PLCXD3: variants seen among roughly 807,000 people sequenced by gnomAD.
PLCXD3 encodes phosphatidylinositol specific phospholipase C X domain containing 3.
A neutral mutation model predicts 25.5 loss-of-function variants in PLCXD3; 19 were observed. The observed-to-expected ratio is 0.75, with a 90% confidence interval of 0.52 to 1.09. The LOEUF (loss-of-function observed/expected upper bound fraction) is 1.09, where lower values mean the gene tolerates loss of function less well. PLCXD3 is among the 50% of genes least tolerant of loss of function. The pLI, the probability that PLCXD3 is intolerant of heterozygous loss-of-function variation, is 0.00. For synonymous variants in PLCXD3, 174 were observed against 137.6 expected (o/e 1.26, Z -1.85); for missense variants, 411 against 388.1 (o/e 1.06, Z -0.50).
At chr5:41,356,685 T>C (rs1371572877) in intron 2 of PLCXD3, among the ~76,000 whole-genome samples, 1 of 152,196 alleles carries the variant, frequency 6.6e-6, no homozygotes, top group Non-Finnish European at 1.5e-5. Context: ...CAAACCTTTT[T>C]GCCATTAATA....
intron 1 of PLCXD3, among the ~76,000 whole-genome samples, chr5:41,438,508 A>G (rs973607375): frequency 3.3e-5 from 5 of 152,172 alleles, no homozygotes; most frequent in Non-Finnish European, 5.9e-5. Context: ...AGAGAGGAGA[A>G]GCCTGGCTTC....
chr5:41,493,059 G>C (rs1190602535), intron 1 of PLCXD3, among the ~76,000 whole-genome samples: 1 of 152,130 alleles, frequency 6.6e-6, no homozygotes, highest in Non-Finnish European at 1.5e-5. Context: ...CATCTTTGTG[G>C]TTTTATCTAC....
rs566228628 is a variant in PLCXD3 at position 41,398,498 on chromosome 5, T to A, written c.104-15964A>T. On this transcript the variant is annotated intron_variant, in intron 1 of 2. Transcript: ENST00000377801. ...TATAAGTTACCCAGTCTCAAGTAGT[T>A]CTCTATAGCAATGTGAGAAAAGACT... 5.9e-5 allele frequency among the ~76,000 whole-genome samples: 9 copies of A among 152,246 alleles called. No individual in the cohort carries two copies. In the South Asian group the frequency reaches 1.9e-3, roughly 32 times the overall value.
At chr5:41,501,712 T>TA (rs58480603) in intron 1 of PLCXD3, among the ~76,000 whole-genome samples, 1 of 151,704 alleles carries the variant, frequency 6.6e-6, no homozygotes, top group Non-Finnish European at 1.5e-5. Context: ...TTTACCACAA[T>TA]AAAAAAAATA....
chr5:41,343,039 A>G (rs1160137608), intron 2 of PLCXD3, among the ~76,000 whole-genome samples: 1 of 152,130 alleles, frequency 6.6e-6, no homozygotes, highest in Non-Finnish European at 1.5e-5. Flanking sequence ...TTTTCTTTTC[A>G]TTAGAAAAAT....
At chr5:41,390,055 C>CT (rs1454258061) in intron 1 of PLCXD3, among the ~76,000 whole-genome samples, 3 of 152,092 alleles carry the variant, frequency 2.0e-5, no homozygotes, top group African/African-American at 7.2e-5. Flanking sequence ...ATATATCACT[C>CT]TAAGTTAGTT....
chr5:41,323,434 T>C (rs762399693), intron 2 of PLCXD3, among the ~76,000 whole-genome samples: 8 of 152,228 alleles, frequency 5.3e-5, no homozygotes, highest in Non-Finnish European at 8.8e-5. Context: ...CACAGTAAGC[T>C]TATTTCACAT....
At chr5:41,334,465 C>T (rs1002784348) in intron 2 of PLCXD3, among the ~76,000 whole-genome samples, 1 of 152,126 alleles carries the variant, frequency 6.6e-6, no homozygotes, top group African/African-American at 2.4e-5. Context: ...GGCACAGGAA[C>T]TGACCAAGCC....
Position 41,400,309 on chromosome 5 carries a change from C to A in PLCXD3, c.104-17775G>T, listed in dbSNP as rs1746140966. ...CCTCAAAAACCTAGAAATAGAGCTA[C>A]CATATGATCTAGCCATCCCACTGCT... On this transcript the variant is annotated intron_variant, in intron 1 of 2. Coordinates refer to ENST00000377801, the MANE Select transcript of PLCXD3 (RefSeq NM_001005473.3). Among the ~76,000 whole-genome samples the A allele has an allele frequency of 2.0e-5, 3 of 152,148 alleles. No individual in the cohort carries two copies. In the South Asian group the frequency reaches 6.2e-4, roughly 32 times the overall value.
intron 1 of PLCXD3, among the ~76,000 whole-genome samples, chr5:41,443,653 G>C (rs1195029764): frequency 6.6e-6 from 1 of 152,148 alleles, no homozygotes; most frequent in African/African-American, 2.4e-5. Context: ...CTGACCTTTT[G>C]CAGGAACGCA....
chr5:41,329,766 G>T (rs1035585448), intron 2 of PLCXD3, among the ~76,000 whole-genome samples: 2 of 149,548 alleles, frequency 1.3e-5, no homozygotes, highest in African/African-American at 4.9e-5. Context: ...AAGTTTATTA[G>T]AATTAATTTT....
intron 2 of PLCXD3, among the ~76,000 whole-genome samples, chr5:41,357,872 A>T (rs961510888): frequency 6.6e-6 from 1 of 152,224 alleles, no homozygotes; most frequent in African/African-American, 2.4e-5. Flanking sequence ...CAAAATTGTT[A>T]TATGTGCCCA....
At position 41,447,068 on chromosome 5, in the gene PLCXD3, G is replaced by T. The variant is rs192996752; in HGVS notation, c.103+63356C>A. ...TTCTCTAATAGCTGTATTTCTGGGG[G>T]TGGAGGTCAGAAAGCGTCATGAAGG... On this transcript the variant is annotated intron_variant, in intron 1 of 2. Transcript: ENST00000377801. Among the ~76,000 whole-genome samples, 6 of 152,294 alleles carry T rather than the reference G, an allele frequency of 3.9e-5. No individual in the cohort carries two copies. In the East Asian group the frequency reaches 5.8e-4, roughly 15 times the overall value.
At chr5:41,375,793 C>T (rs918607354) in intron 2 of PLCXD3, among the ~76,000 whole-genome samples, 1 of 152,118 alleles carries the variant, frequency 6.6e-6, no homozygotes, top group Non-Finnish European at 1.5e-5. Context: ...GCAGCCAGTG[C>T]TAAGCAATAT....
chr5:41,340,428 C>A (rs1469342249), intron 2 of PLCXD3, among the ~76,000 whole-genome samples: 1 of 152,042 alleles, frequency 6.6e-6, no homozygotes, highest in African/African-American at 2.4e-5. Flanking sequence ...GTTTCTCTGC[C>A]CTAGACCAGA....
At chr5:41,499,020 C>T (rs1313876580) in intron 1 of PLCXD3, among the ~76,000 whole-genome samples, 2 of 151,366 alleles carry the variant, frequency 1.3e-5, no homozygotes, top group Non-Finnish European at 3.0e-5. Context: ...ACAATAAAAG[C>T]CACATATGAC....
chr5:41,438,123 C>T (rs1358929353), intron 1 of PLCXD3, among the ~76,000 whole-genome samples: 1 of 152,154 alleles, frequency 6.6e-6, no homozygotes, highest in Admixed American at 6.5e-5. Context: ...GAAATTGTTA[C>T]TGAATCCCTG....
chr5:41,345,719 C>T, intron 2 of PLCXD3, among the ~76,000 whole-genome samples: 1 of 145,376 alleles, frequency 6.9e-6, no homozygotes, highest in South Asian at 2.3e-4. Flanking sequence ...CACACACACA[C>T]ATTCAGGTCA....
At chr5:41,356,954 C>T (rs768428762) in intron 2 of PLCXD3, among the ~76,000 whole-genome samples, 5 of 152,152 alleles carry the variant, frequency 3.3e-5, no homozygotes, top group Non-Finnish European at 5.9e-5. Context: ...ACAATTATCC[C>T]GGTCACACCA....
Sources: allele counts gnomAD v4.1 joint callset (sites outside exome capture counted in the v4.1 genomes callset), GRCh38; gene constraint gnomAD v4.1.1; transcripts MANE v1.5; gene names NCBI Gene and HGNC (gene_info 2026-07-23, HGNC 2026-07-21).